CKAP5: variants seen among roughly 807,000 people sequenced by gnomAD.
The protein encoded by CKAP5 is cytoskeleton-associated protein 5.
In CKAP5, 27 loss-of-function variants were observed where a neutral mutation model predicts 232.8. The observed-to-expected ratio is 0.12, with a 90% CI of 0.09 to 0.16. The LOEUF (loss-of-function observed/expected upper bound fraction) is 0.16. Among genes scored for constraint, CKAP5 ranks in the 10% least tolerant of loss-of-function variants. The pLI, the probability that CKAP5 is intolerant of heterozygous loss-of-function variation, is 1.00. For missense variants in CKAP5, 1,838 were observed against 2,424.7 expected, an observed-to-expected ratio of 0.76 and a Z score of 5.08; for synonymous variants, 785 against 841.1, an observed-to-expected ratio of 0.93 and a Z score of 1.16.
chr11:46,842,079 A>C (rs919524815), intron 1 of CKAP5, among the ~76,000 whole-genome samples: 1 of 152,054 alleles, frequency 6.6e-6, no homozygotes, highest in Non-Finnish European at 1.5e-5. Context: ...ATTAAAAGAA[A>C]GTGGTGGGTT....
At chr11:46,793,633 C>T (rs1938794637) in intron 13 of CKAP5, among the ~76,000 whole-genome samples, 1 of 152,198 alleles carries the variant, frequency 6.6e-6, no homozygotes, top group Non-Finnish European at 1.5e-5. Context: ...TTAAAATATA[C>T]TCCTCCTGGC....
intron 34 of CKAP5, 110 bp from the exon 35 acceptor site, chr11:46,759,153 A>G: frequency 1.3e-6 from 2 of 1,504,226 alleles, no homozygotes; most frequent in Non-Finnish European, 1.8e-6. Context: ...AACTGCTATC[A>G]TTCAAAAAAT....
chr11:46,821,960 A>T (rs908742615), intron 1 of CKAP5, among the ~76,000 whole-genome samples: 1 of 151,982 alleles, frequency 6.6e-6, no homozygotes, highest in Non-Finnish European at 1.5e-5. Context: ...AATCGCTTGA[A>T]CCTGGGAGGA....
rs375735372 is a variant in CKAP5 at position 46,802,792 on chromosome 11, AAAG to A, written c.979-1491_979-1489del. ...TAAACAACTCCTAACATGCAACATGAAAGAAGTTCTACTTGGCACTTATATGCA... is the reference window on the plus strand; with the variant it reads ...TAAACAACTCCTAACATGCAACATGAAAGTTCTACTTGGCACTTATATGCA... On this transcript the variant is annotated intron_variant, in intron 8 of 43. Coordinates refer to ENST00000529230, the MANE Select transcript of CKAP5 (RefSeq NM_001008938.4). Among the ~76,000 whole-genome samples the A allele has an allele frequency of 2.7e-3, 409 of 152,322 alleles. 3 individuals are homozygous for A. The highest frequency in any genetic ancestry group is 9.6e-3 in the African/African-American group (401 of 41,562).
At chr11:46,826,499 T>G (rs554559360) in intron 1 of CKAP5, among the ~76,000 whole-genome samples, 1 of 152,108 alleles carries the variant, frequency 6.6e-6, no homozygotes, top group South Asian at 2.1e-4. Flanking sequence ...AACCCTCTCC[T>G]CACCCCAAGT....
At position 46,838,215 on chromosome 11, in the gene CKAP5, C is replaced by G. The variant is rs1585455; in HGVS notation, c.-38+8005G>C. 3.5e-3 allele frequency among the ~76,000 whole-genome samples: 527 copies of G among 152,246 alleles called. 2 individuals are homozygous for G. The highest frequency in any genetic ancestry group is 0.012 in the African/African-American group (509 of 41,542). ...TACAATGTATTTGACTAGTACCTCT[C>G]AAAACAGATTAAAATTTTTTTAAAA... On this transcript the variant is annotated intron_variant, in intron 1 of 43. Coordinates refer to ENST00000529230, the MANE Select transcript of CKAP5 (RefSeq NM_001008938.4).
intron 15 of CKAP5, among the ~76,000 whole-genome samples, chr11:46,788,979 A>G (rs892763590): frequency 6.6e-6 from 1 of 152,246 alleles, no homozygotes; most frequent in Non-Finnish European, 1.5e-5. Context: ...TTCTTAAGCT[A>G]GATGCTTGGT....
intron 20 of CKAP5, among the ~76,000 whole-genome samples, chr11:46,779,263 A>G (rs2065318064): frequency 6.6e-6 from 1 of 151,142 alleles, no homozygotes; most frequent in South Asian, 2.1e-4. Flanking sequence ...CCTCCTAAGT[A>G]GCTGGGATTC....
chr11:46,802,237 C>T (rs1939045907), intron 8 of CKAP5: 2 of 152,222 alleles, frequency 1.3e-5, no homozygotes, highest in Admixed American at 1.3e-4. Flanking sequence ...TCCTATGCCA[C>T]AACCCACAAA....
At position 46,760,891 on chromosome 11, in the gene CKAP5, C is replaced by G. The variant is rs1592438862; in HGVS notation, c.4222-107G>C. ...TGTTAGGACATGTTTACTTTCAAAGCACCACATTTCAAAATCAACTACTAT... is the reference window on the plus strand; with the variant it reads ...TGTTAGGACATGTTTACTTTCAAAGGACCACATTTCAAAATCAACTACTAT... On this transcript the variant is annotated intron_variant, in intron 32 of 43. Coordinates refer to ENST00000529230, the MANE Select transcript of CKAP5 (RefSeq NM_001008938.4). 4 of 982,280 alleles carry G rather than the reference C, an allele frequency of 4.1e-6. No individual in the cohort carries two copies. The East Asian group carries it at 1.0e-4, about 25-fold the overall frequency. 60.8% of individuals were successfully genotyped at this position (982,280 alleles called of 1,614,324 possible).
intron 25 of CKAP5, 166 bp from the exon 26 acceptor site, chr11:46,770,264 GA>G: frequency 1.5e-6 from 1 of 673,510 alleles, no homozygotes; most frequent in Non-Finnish European, 2.6e-6. Context: ...CACACATTAT[GA>G]AGTCACACTA....
chr11:46,768,076 G>A (rs1283791751), intron 26 of CKAP5, among the ~76,000 whole-genome samples: 1 of 152,070 alleles, frequency 6.6e-6, no homozygotes, highest in Non-Finnish European at 1.5e-5. Context: ...GATTACAGGC[G>A]TGAGTCACTG....
intron 4 of CKAP5, among the ~76,000 whole-genome samples, chr11:46,814,899 G>C (rs1460161575): frequency 6.6e-6 from 1 of 152,116 alleles, no homozygotes; most frequent in Non-Finnish European, 1.5e-5. Context: ...TTTATCTTTA[G>C]CCAACATCTC....
Position 46,770,987 on chromosome 11 carries a change from C to G in CKAP5, c.2992-5G>C, listed in dbSNP as rs534419079. On this transcript the variant is annotated splice_polypyrimidine_tract_variant and splice_region_variant and intron_variant, in intron 24 of 43. Transcript: ENST00000529230. Reference sequence around the variant, plus strand: ...CTCAGCCAGCCAGCCCAGAAGCTGCCAAAAGAAATAAAGACTAGTTACACA... The same window carrying G: ...CTCAGCCAGCCAGCCCAGAAGCTGCGAAAAGAAATAAAGACTAGTTACACA... 12 of 1,608,632 alleles carry G rather than the reference C, an allele frequency of 7.5e-6. No individual in the cohort carries two copies. In the East Asian group the frequency reaches 2.5e-4, roughly 33 times the overall value.
At chr11:46,768,597 T>C (rs1028459505) in intron 26 of CKAP5, among the ~76,000 whole-genome samples, 1 of 152,162 alleles carries the variant, frequency 6.6e-6, no homozygotes, top group African/African-American at 2.4e-5. Context: ...TAAAATTTTT[T>C]TTTTTTGAGA....
At chr11:46,815,193 G>C (rs141124831) in intron 4 of CKAP5, among the ~76,000 whole-genome samples, 5 of 152,172 alleles carry the variant, frequency 3.3e-5, no homozygotes, top group African/African-American at 1.2e-4. Flanking sequence ...TGGAATTACA[G>C]GCATGCGCCA....
intron 1 of CKAP5, among the ~76,000 whole-genome samples, chr11:46,841,243 C>T (rs1194171560): frequency 6.6e-6 from 1 of 150,754 alleles, no homozygotes; most frequent in Non-Finnish European, 1.5e-5. Flanking sequence ...GCACTCCAGC[C>T]TGGGCAACAG....
intron 4 of CKAP5, among the ~76,000 whole-genome samples, chr11:46,814,163 A>G (rs1330990214): frequency 2.7e-5 from 4 of 149,580 alleles, no homozygotes; most frequent in Non-Finnish European, 4.5e-5. Flanking sequence ...AAAAGATTAC[A>G]GTATTTTTTA....
intron 28 of CKAP5, 24 bp from the exon 29 acceptor site, chr11:46,763,654 G>C (rs1267673287): frequency 2.7e-6 from 4 of 1,483,098 alleles, no homozygotes; most frequent in Non-Finnish European, 3.6e-6. Context: ...ACGGTGAAAA[G>C]GGGCTACAGG....
Sources: gnomAD v4.1 joint callset for allele counts (sites outside exome capture counted in the v4.1 genomes callset) on GRCh38, gnomAD v4.1.1 for gene constraint, MANE v1.5 for transcripts, NCBI Gene and HGNC (gene_info 2026-07-23, HGNC 2026-07-21) for gene names.